MTUS1: variants seen among roughly 807,000 people sequenced by gnomAD.
The protein encoded by MTUS1 is microtubule-associated tumor suppressor 1.
In MTUS1, 109 loss-of-function variants were observed where a neutral mutation model predicts 120.8. The ratio of observed to expected loss-of-function variants is 0.90; its 90% confidence interval spans 0.77 to 1.06. The LOEUF is 1.06. MTUS1 is among the 50% of genes least tolerant of loss of function. MTUS1 has a pLI of 0.00. For missense variants in MTUS1, 2,210 were observed against 1,486.3 expected (o/e 1.49, Z -8.01); for synonymous variants, 737 against 550.5 (o/e 1.34, Z -4.74).
chr8:17,741,600 A>T (rs1251575829), intron 3 of MTUS1, among the ~76,000 whole-genome samples: 3 of 152,228 alleles, frequency 2.0e-5, no homozygotes, highest in Non-Finnish European at 4.4e-5. Flanking sequence ...CACATTATGC[A>T]ACACAGAGTA....
intron 4 of MTUS1, chr8:17,722,698 T>C (rs769520810): frequency 1.2e-4 from 35 of 294,112 alleles, no homozygotes; most frequent in Non-Finnish European, 1.6e-4. Context: ...TGTGTGATTT[T>C]AGACCAGTGA....
At chr8:17,733,342 CTG>C (rs2131191129) in intron 3 of MTUS1, among the ~76,000 whole-genome samples, 1 of 149,164 alleles carries the variant, frequency 6.7e-6, no homozygotes, top group African/African-American at 2.5e-5. Flanking sequence ...CACAGCAAGA[CTG>C]TGCCTCAAAA....
chr8:17,744,459 C>A (rs569594999), intron 2 of MTUS1, among the ~76,000 whole-genome samples: 21 of 152,092 alleles, frequency 1.4e-4, no homozygotes, highest in Non-Finnish European at 2.5e-4. Context: ...TCTCCTCTAT[C>A]GCCCAGGCTG....
chr8:17,758,735 G>C (rs1399886626), intron 1 of MTUS1, among the ~76,000 whole-genome samples: 1 of 152,174 alleles, frequency 6.6e-6, no homozygotes, highest in Admixed American at 6.5e-5. Flanking sequence ...CACGCACTTA[G>C]CATAGATCGT....
At chr8:17,679,274 T>C (rs2130705096) in intron 7 of MTUS1, among the ~76,000 whole-genome samples, 1 of 152,134 alleles carries the variant, frequency 6.6e-6, no homozygotes, top group South Asian at 2.1e-4. Flanking sequence ...AGGTATATCA[T>C]GTATATAAAA....
intron 8 of MTUS1, among the ~76,000 whole-genome samples, chr8:17,672,150 ATTTAG>A (rs1812155835): frequency 6.6e-6 from 1 of 152,136 alleles, no homozygotes; most frequent in Non-Finnish European, 1.5e-5. Flanking sequence ...TTCTAGGAAT[ATTTAG>A]TCTAATGATT....
intron 4 of MTUS1, among the ~76,000 whole-genome samples, chr8:17,717,144 G>A (rs1206046182): frequency 5.9e-5 from 9 of 152,164 alleles, no homozygotes; most frequent in African/African-American, 1.9e-4. Context: ...CCCAGGCCCT[G>A]TACAATGAGC....
At chr8:17,721,842 AAAG>A in intron 4 of MTUS1, 1 of 1,614,146 alleles carries the variant, frequency 6.2e-7, no homozygotes, top group Non-Finnish European at 8.5e-7. Flanking sequence ...TAGAATTGAT[AAAG>A]ATTTTTGAAG....
intron 1 of MTUS1, among the ~76,000 whole-genome samples, chr8:17,760,985 C>T (rs1346129063): frequency 6.6e-6 from 1 of 151,892 alleles, no homozygotes; most frequent in African/African-American, 2.4e-5. Context: ...ATCAAGTTTC[C>T]TTTCTAAGAG....
intron 6 of MTUS1, among the ~76,000 whole-genome samples, chr8:17,689,699 G>A (rs1031052966): frequency 5.3e-5 from 8 of 152,118 alleles, no homozygotes; most frequent in Admixed American, 2.0e-4. Flanking sequence ...ACATAGATCA[G>A]TGGAAGAGAA....
At chr8:17,787,387 T>A (rs2051396401) in intron 1 of MTUS1, among the ~76,000 whole-genome samples, 1 of 152,192 alleles carries the variant, frequency 6.6e-6, no homozygotes, top group Admixed American at 6.5e-5. Context: ...TTCCAGAAGT[T>A]GAGTACCTTG....
rs1056907506 is a variant in MTUS1, at chr8:17,705,539, C to G, written c.2623+7675G>C. 5 of 152,138 alleles carry G rather than the reference C, an allele frequency of 3.3e-5. No individual in the cohort carries two copies. The East Asian group carries it at 9.6e-4, about 29-fold the overall frequency. The allele number at this position is 152,138 out of a possible 1,614,324, so 9.4% of individuals were successfully genotyped here. ...CACAACCCCCAACACCAATTTGAAACAAAAATGTATCCCATATGAAAAGAG... is the reference window on the plus strand; with the variant it reads ...CACAACCCCCAACACCAATTTGAAAGAAAAATGTATCCCATATGAAAAGAG... On this transcript the variant is annotated intron_variant, in intron 6 of 14. Transcript: ENST00000693296.
Position 17,665,495 on chromosome 8 carries a change from G to A in MTUS1, c.2906-9430C>T, listed in dbSNP as rs181772155. On this transcript the variant is annotated intron_variant, in intron 8 of 14. Transcript: ENST00000693296. ...TTTACCAAAGAAGAATGGAAATAACGGAGCTGGATCTACAACTCCAGCCTC... is the reference window on the plus strand; with the variant it reads ...TTTACCAAAGAAGAATGGAAATAACAGAGCTGGATCTACAACTCCAGCCTC... Among the ~76,000 whole-genome samples, 32 of 148,038 alleles carry A rather than the reference G, an allele frequency of 2.2e-4. No homozygotes were observed. In the East Asian group the frequency reaches 4.3e-3, roughly 20 times the overall value.
At chr8:17,657,659 T>TAAAA (rs60180794) in intron 8 of MTUS1, among the ~76,000 whole-genome samples, 2 of 136,192 alleles carry the variant, frequency 1.5e-5, no homozygotes, top group Non-Finnish European at 3.1e-5. Flanking sequence ...CTCTTAAAAT[T>TAAAA]AAAAAAAAAA....
At chr8:17,789,006 G>C (rs888032701) in intron 1 of MTUS1, among the ~76,000 whole-genome samples, 1 of 151,392 alleles carries the variant, frequency 6.6e-6, no homozygotes, top group African/African-American at 2.4e-5. Flanking sequence ...GAAATGATTT[G>C]ATGTACAGAC....
At chr8:17,728,251 A>C (rs2131152007) in intron 3 of MTUS1, among the ~76,000 whole-genome samples, 1 of 152,302 alleles carries the variant, frequency 6.6e-6, no homozygotes, top group South Asian at 2.1e-4. Context: ...AGCTGGGATT[A>C]CACCCACACA....
chr8:17,754,089 C>T lies in MTUS1; in HGVS notation c.1719G>A (p.Lys573=). 1 of 1,613,680 alleles carries T rather than the reference C, an allele frequency of 6.2e-7. No individual in the cohort carries two copies. Among genetic ancestry groups the T allele is most frequent in the Non-Finnish European group, 8.5e-7 (1 of 1,179,954 alleles). Residue 573 remains lysine (K), a synonymous_variant, in exon 2 of 15, where the codon AAG becomes AAA. Transcript: ENST00000693296. The part of the protein sequence containing the change: ...ADKKAEILIN[K]THKQQFNKLI... ...GTTTATTAAACTGCTGCTTATGTGTCTTGTTAATTAGAATTTCTGCTTTTT... is the reference window on the plus strand; with the variant it reads ...GTTTATTAAACTGCTGCTTATGTGTTTTGTTAATTAGAATTTCTGCTTTTT...
chr8:17,736,308 T>C (rs17634166), intron 3 of MTUS1, among the ~76,000 whole-genome samples: 8,408 of 152,262 alleles, frequency 0.055, 325 homozygotes, highest in East Asian at 0.14. Context: ...CCCTGCTTGG[T>C]TGGTCCTGAC....
intron 8 of MTUS1, chr8:17,664,183 G>C (rs74358239): frequency 2.0e-5 from 3 of 152,238 alleles, no homozygotes; most frequent in South Asian, 2.1e-4. Context: ...TATTATGGTG[G>C]AGTGTACACT....
Sources: allele counts gnomAD v4.1 joint callset (sites outside exome capture counted in the v4.1 genomes callset), GRCh38; gene constraint gnomAD v4.1.1; transcripts MANE v1.5; gene names NCBI Gene and HGNC (gene_info 2026-07-23, HGNC 2026-07-21).